FRAS1: variants seen among roughly 807,000 people sequenced by gnomAD.
The protein encoded by FRAS1 is extracellular matrix organizing protein FRAS1.
Under a neutral mutation model 435.2 loss-of-function variants are expected in FRAS1, and 290 were observed. The observed-to-expected ratio is 0.67, with a 90% CI of 0.61 to 0.73. The LOEUF (loss-of-function observed/expected upper bound fraction) is 0.73. Ranked by LOEUF, FRAS1 falls within the 30% of genes least tolerant of loss-of-function variation. The probability of loss-of-function intolerance (pLI) is 0.00; values close to 1 mark genes in which losing one functional copy is unlikely to be tolerated. For missense variants in FRAS1, 4,860 were observed against 5,001.5 expected, an observed-to-expected ratio of 0.97 and a Z score of 0.85; for synonymous variants, 1,800 against 1,851.0, an observed-to-expected ratio of 0.97 and a Z score of 0.71.
intron 72 of FRAS1, 53 bp downstream of exon 72, chr4:78,537,253 C>A: frequency 6.5e-7 from 1 of 1,527,614 alleles, no homozygotes; most frequent in South Asian, 1.2e-5. Flanking sequence ...GAGCAGATTT[C>A]CTCAGCTATG....
rs1553943110 is a variant in FRAS1 at position 78,312,859 on chromosome 4, A to AGAGAGAGAG, written c.1679-2735_1679-2734insGAGAGAGAG. Among the ~76,000 whole-genome samples the AGAGAGAGAG allele has an allele frequency of 3.3e-3, 403 of 121,762 alleles. 1 individual carries two copies. Among genetic ancestry groups the AGAGAGAGAG allele is most frequent in the African/African-American group, 0.012 (347 of 29,594 alleles). 79.9% of individuals were successfully genotyped at this position (121,762 alleles called of 152,430 possible). The stretch of plus-strand genomic sequence containing the variant: ...AGAAAGAAAAAGAAAGAAAGAAAGA[A>AGAGAGAGAG]AGAGAGAGAGAGAGAGAGAGAGAAA... On this transcript the variant is annotated intron_variant, in intron 15 of 73. Transcript: ENST00000512123.
At chr4:78,497,004 A>T (rs192474741) in intron 60 of FRAS1, 43 bp downstream of exon 60, 1 of 1,477,270 alleles carries the variant, frequency 6.8e-7, no homozygotes, top group African/African-American at 1.4e-5. Context: ...GGTTGAGGGG[A>T]CATAAACTGA....
chr4:78,246,734 C>T (rs1380400811), intron 4 of FRAS1, among the ~76,000 whole-genome samples: 2 of 117,610 alleles, frequency 1.7e-5, no homozygotes, highest in Admixed American at 1.9e-4. Flanking sequence ...CAAAATAAGT[C>T]CAGGATCTGG....
At chr4:78,401,304 G>A (rs1410320347) in intron 30 of FRAS1, among the ~76,000 whole-genome samples, 1 of 152,118 alleles carries the variant, frequency 6.6e-6, no homozygotes, top group Non-Finnish European at 1.5e-5. Flanking sequence ...ACATTTTTCA[G>A]TGTTCTCCAG....
intron 22 of FRAS1, among the ~76,000 whole-genome samples, chr4:78,365,737 T>TAA (rs531246410): frequency 2.3e-4 from 30 of 132,128 alleles, no homozygotes; most frequent in African/African-American, 7.7e-4. Context: ...TCTAGTACAT[T>TAA]AAAAAAAAAA....
chr4:78,468,302 A>G (rs1327208853), intron 50 of FRAS1, among the ~76,000 whole-genome samples: 3 of 152,168 alleles, frequency 2.0e-5, no homozygotes, highest in Non-Finnish European at 4.4e-5. Flanking sequence ...GTATCCTAAA[A>G]GATACTCATT....
chr4:78,464,421 C>T (rs1233007623), intron 48 of FRAS1, 22 bp from the exon 49 acceptor site: 4 of 1,613,854 alleles, frequency 2.5e-6, no homozygotes, highest in Non-Finnish European at 3.4e-6. Flanking sequence ...GGTGTCCCAC[C>T]TGCACTTTCC....
At chr4:78,420,588 A>AACATTAGTTC (rs1484371530) in intron 33 of FRAS1, among the ~76,000 whole-genome samples, 7 of 152,046 alleles carry the variant, frequency 4.6e-5, no homozygotes, top group Admixed American at 1.3e-4. Flanking sequence ...AGTTCTTAGA[A>AACATTAGTTC]TAATCAAGAC....
At chr4:78,387,914 G>C (rs1004368799) in intron 29 of FRAS1, among the ~76,000 whole-genome samples, 3 of 152,106 alleles carry the variant, frequency 2.0e-5, no homozygotes, top group African/African-American at 7.2e-5. Flanking sequence ...GGACACTTTT[G>C]AACCTTTTTT....
chr4:78,211,400 G>A (rs1029242662), intron 2 of FRAS1, among the ~76,000 whole-genome samples: 3 of 152,188 alleles, frequency 2.0e-5, no homozygotes, highest in Admixed American at 1.3e-4. Flanking sequence ...AAGCAGGGAG[G>A]CAGGAGGCTG....
intron 3 of FRAS1, among the ~76,000 whole-genome samples, chr4:78,238,840 T>G (rs989468286): frequency 6.6e-6 from 1 of 152,182 alleles, no homozygotes; most frequent in Non-Finnish European, 1.5e-5. Context: ...ATTGCTGAAA[T>G]CTAAACATGC....
intron 20 of FRAS1, among the ~76,000 whole-genome samples, chr4:78,342,878 G>A (rs1730447840): frequency 6.6e-6 from 1 of 152,108 alleles, no homozygotes; most frequent in Admixed American, 6.5e-5. Flanking sequence ...TGAAAGTCTG[G>A]GGGATTAAAA....
chr4:78,140,570 C>A (rs1401460727), intron 2 of FRAS1, among the ~76,000 whole-genome samples: 1 of 151,514 alleles, frequency 6.6e-6, no homozygotes, highest in African/African-American at 2.4e-5. Context: ...GTGGAACCAA[C>A]CCAAGTGCCC....
At chr4:78,131,597 A>G (rs1406946404) in intron 2 of FRAS1, among the ~76,000 whole-genome samples, 1 of 152,230 alleles carries the variant, frequency 6.6e-6, no homozygotes, top group Non-Finnish European at 1.5e-5. Context: ...ACTGCTCCAC[A>G]TTGTTGAAAC....
chr4:78,333,141 C>G, intron 18 of FRAS1, 131 bp from the exon 19 acceptor site: 3 of 993,464 alleles, frequency 3.0e-6, no homozygotes, highest in Non-Finnish European at 4.2e-6. Flanking sequence ...GATGTGCAGC[C>G]TGTCATTGGG....
At chr4:78,218,527 C>T (rs1005104970) in intron 2 of FRAS1, among the ~76,000 whole-genome samples, 10 of 152,288 alleles carry the variant, frequency 6.6e-5, no homozygotes, top group South Asian at 6.2e-4. Context: ...TACTGTTTGT[C>T]GTATGATATC....
chr4:78,114,474 C>T (rs1742991431), intron 2 of FRAS1, among the ~76,000 whole-genome samples: 1 of 152,054 alleles, frequency 6.6e-6, no homozygotes, highest in South Asian at 2.1e-4. Flanking sequence ...ATGGAATGTT[C>T]TTCCATTTGT....
chr4:78,445,373 C>G (rs781338453), intron 41 of FRAS1, 149 bp from the exon 42 acceptor site: 1 of 1,028,100 alleles, frequency 9.7e-7, no homozygotes, highest in Non-Finnish European at 1.3e-6. Flanking sequence ...CCTTCCAATT[C>G]CTGGTCTTGT....
chr4:78,473,997 A>C (rs1444995886), intron 53 of FRAS1, among the ~76,000 whole-genome samples: 1 of 151,916 alleles, frequency 6.6e-6, no homozygotes, highest in African/African-American at 2.4e-5. Flanking sequence ...CTGTCTCTTC[A>C]AGTTTTAGAA....
Sources: allele counts gnomAD v4.1 joint callset (sites outside exome capture counted in the v4.1 genomes callset), GRCh38; gene constraint gnomAD v4.1.1; transcripts MANE v1.5; gene names NCBI Gene and HGNC (gene_info 2026-07-23, HGNC 2026-07-21).